SKA2: variants seen among roughly 807,000 people sequenced by gnomAD.
SKA2 encodes spindle and kinetochore associated complex subunit 2.
SKA2 carries 13 observed loss-of-function variants against 16.9 expected under a neutral mutation model. The ratio of observed to expected loss-of-function variants is 0.77; its 90% CI spans 0.50 to 1.22. The LOEUF is 1.22. Ranked by LOEUF, SKA2 falls within the 50% of genes most tolerant of loss-of-function variation. The probability of loss-of-function intolerance (pLI) is 0.00; values close to 1 mark genes in which losing one functional copy is unlikely to be tolerated. For synonymous variants in SKA2, 47 were observed against 48.5 expected (o/e 0.97, Z 0.13); for missense variants, 107 against 139.7 (o/e 0.77, Z 1.18).
chr17:59,137,267 C>T (rs2046452971), intron 1 of SKA2, among the ~76,000 whole-genome samples: 1 of 152,182 alleles, frequency 6.6e-6, no homozygotes, highest in Non-Finnish European at 1.5e-5. Flanking sequence ...ATCTTCCCGC[C>T]TTAGCCTCTC....
At chr17:59,124,461 G>A (rs2147800535) in intron 2 of SKA2, 1 of 151,912 alleles carries the variant, frequency 6.6e-6, no homozygotes. Flanking sequence ...AACATTGGGA[G>A]GGAAATTGGT....
intron 1 of SKA2, among the ~76,000 whole-genome samples, chr17:59,146,189 T>G (rs2046530973): frequency 6.6e-6 from 1 of 152,078 alleles, no homozygotes; most frequent in African/African-American, 2.4e-5. Context: ...TGGCTAAGAT[T>G]ATTTCCTTAT....
intron 3 of SKA2, among the ~76,000 whole-genome samples, chr17:59,114,355 G>A (rs945701852): frequency 1.8e-4 from 27 of 152,108 alleles, no homozygotes; most frequent in African/African-American, 2.9e-4. Flanking sequence ...CAGTTTCATC[G>A]TGTGAACATC....
intron 2 of SKA2, among the ~76,000 whole-genome samples, chr17:59,122,089 C>T (rs1599661413): frequency 6.6e-6 from 1 of 152,116 alleles, no homozygotes; most frequent in South Asian, 2.1e-4. Flanking sequence ...GAAAATAAAA[C>T]TTAAAGAACA....
rs779324999 is a variant in SKA2, at chr17:59,112,279, A to T, written c.364T>A (p.Ter122ArgextTer25). The change falls in exon 4 of 4, where the codon TGA (stop) becomes AGA (arginine). Residue 122 changes from the stop codon to arginine, a stop_lost. Transcript: ENST00000330137. Reference protein sequence around the residue: ...EQFKFHMPDL* With the variant: ...EQFKFHMPDLR Reference sequence around the variant, plus strand: ...ATTTCCTTTCCAAGTCCATTTCTTCATAAATCTGGCATGTGAAATTTGAAT... The same window carrying T: ...ATTTCCTTTCCAAGTCCATTTCTTCTTAAATCTGGCATGTGAAATTTGAAT... 15 of 1,609,110 alleles carry T rather than the reference A, an allele frequency of 9.3e-6. No homozygotes were observed. The highest frequency in any genetic ancestry group is 2.2e-5 in the East Asian group (1 of 44,764).
At chr17:59,149,784 C>T (rs954671473) in intron 1 of SKA2, among the ~76,000 whole-genome samples, 1 of 152,128 alleles carries the variant, frequency 6.6e-6, no homozygotes, top group African/African-American at 2.4e-5. Context: ...AGAAGCCAGA[C>T]ACAAAAGACT....
intron 2 of SKA2, among the ~76,000 whole-genome samples, chr17:59,130,118 C>T (rs2147805748): frequency 6.6e-6 from 1 of 152,072 alleles, no homozygotes; most frequent in Middle Eastern, 3.4e-3. Context: ...TAGAACAGTA[C>T]AAACTACACT....
intron 2 of SKA2, among the ~76,000 whole-genome samples, chr17:59,119,970 G>A (rs1005971163): frequency 1.3e-5 from 2 of 150,228 alleles, no homozygotes; most frequent in Non-Finnish European, 3.0e-5. Context: ...GTGCAGTGGC[G>A]CAATCTCAGC....
chr17:59,117,653 G>A (rs954964819), intron 3 of SKA2, among the ~76,000 whole-genome samples: 1 of 147,826 alleles, frequency 6.8e-6, no homozygotes, highest in Non-Finnish European at 1.5e-5. Context: ...TCAAACTCCT[G>A]GCCTCAACTG....
intron 1 of SKA2, among the ~76,000 whole-genome samples, chr17:59,132,750 G>T (rs117219963): frequency 1.3e-5 from 2 of 152,106 alleles, no homozygotes; most frequent in African/African-American, 2.4e-5. Flanking sequence ...TTAAGGGGGG[G>T]CTTTCACATT....
intron 2 of SKA2, among the ~76,000 whole-genome samples, chr17:59,120,891 G>A (rs553288272): frequency 7.9e-5 from 12 of 152,270 alleles, no homozygotes; most frequent in Admixed American, 3.9e-4. Flanking sequence ...AGTGGCTCAC[G>A]CCTGTAATCC....
intron 1 of SKA2, among the ~76,000 whole-genome samples, chr17:59,152,810 T>C (rs2046587463): frequency 6.6e-6 from 1 of 151,374 alleles, no homozygotes; most frequent in Admixed American, 6.6e-5. Context: ...ATGATAAAAA[T>C]TCATTTCTAA....
chr17:59,125,723 T>C (rs1350184741), intron 2 of SKA2, among the ~76,000 whole-genome samples: 1 of 147,156 alleles, frequency 6.8e-6, no homozygotes, highest in African/African-American at 2.5e-5. Context: ...TACATAAAAA[T>C]ACTCTGCTAA....
intron 2 of SKA2, among the ~76,000 whole-genome samples, chr17:59,127,560 G>T (rs2046380304): frequency 6.6e-6 from 1 of 151,844 alleles, no homozygotes; most frequent in African/African-American, 2.4e-5. Context: ...GGCTAATTTT[G>T]TATTTTTAGT....
intron 1 of SKA2, 192 bp downstream of exon 1, chr17:59,154,939 C>T: frequency 6.2e-7 from 1 of 1,611,822 alleles, no homozygotes; most frequent in African/African-American, 1.3e-5. Context: ...ACGAGTTTCC[C>T]GGATGTAACC....
chr17:59,121,910 T>TTC (rs1394394301), intron 2 of SKA2, among the ~76,000 whole-genome samples: 1 of 149,374 alleles, frequency 6.7e-6, no homozygotes, highest in East Asian at 2.0e-4. Flanking sequence ...AGGCAGAGGT[T>TTC]GTAGTGATCC....
At chr17:59,115,770 G>T (rs2046292243) in intron 3 of SKA2, among the ~76,000 whole-genome samples, 1 of 152,048 alleles carries the variant, frequency 6.6e-6, no homozygotes. Context: ...TGAGACTAAT[G>T]AATCCACATT....
At chr17:59,140,129 A>G (rs536002411) in intron 1 of SKA2, among the ~76,000 whole-genome samples, 1 of 152,316 alleles carries the variant, frequency 6.6e-6, no homozygotes, top group African/African-American at 2.4e-5. Context: ...AAGCAGTAAC[A>G]TGCCCTAACA....
chr17:59,139,198 C>G (rs2046468803), intron 1 of SKA2, among the ~76,000 whole-genome samples: 1 of 151,822 alleles, frequency 6.6e-6, no homozygotes, highest in South Asian at 2.1e-4. Flanking sequence ...GAGATTGAGA[C>G]CATCCTGGCT....
Sources: allele counts gnomAD v4.1 joint callset (sites outside exome capture counted in the v4.1 genomes callset), GRCh38; gene constraint gnomAD v4.1.1; transcripts MANE v1.5; gene names NCBI Gene and HGNC (gene_info 2026-07-23, HGNC 2026-07-21).